CNTN3: variants seen among roughly 807,000 people sequenced by gnomAD.
The protein encoded by CNTN3 is contactin 3, also known as contactin-3.
In CNTN3, 60 loss-of-function variants were observed where a neutral mutation model predicts 119.1. That is an observed-to-expected ratio of 0.50 (90% CI 0.41 to 0.62). CNTN3 has a LOEUF of 0.62. Among genes scored for constraint, CNTN3 ranks in the 20% least tolerant of loss-of-function variants. The probability of loss-of-function intolerance (pLI) is 0.00; values close to 1 mark genes in which losing one functional copy is unlikely to be tolerated. For synonymous variants in CNTN3, 450 were observed against 438.7 expected (o/e 1.03, Z -0.32); for missense variants, 1,101 against 1,242.4 (o/e 0.89, Z 1.71).
At chr3:74,404,052 T>C (rs921375276) in intron 5 of CNTN3, among the ~76,000 whole-genome samples, 3 of 152,092 alleles carry the variant, frequency 2.0e-5, no homozygotes, top group Non-Finnish European at 4.4e-5. Context: ...TAAATCTAGG[T>C]CTAAATCTTT....
intron 1 of CNTN3, among the ~76,000 whole-genome samples, chr3:74,551,754 C>CTTTTTTTTTTTTTTTT (rs776621925): frequency 8.3e-5 from 5 of 60,180 alleles, no homozygotes; most frequent in African/African-American, 2.6e-4. Flanking sequence ...TCTTCTTCTT[C>CTTTTTTTTTTTTTTTT]TTTTTTTTTT....
At chr3:74,293,321 C>G (rs1702273129) in intron 19 of CNTN3, among the ~76,000 whole-genome samples, 1 of 152,094 alleles carries the variant, frequency 6.6e-6, no homozygotes, top group South Asian at 2.1e-4. Flanking sequence ...TAATTCAAGT[C>G]GATGCTTGTT....
At chr3:74,584,696 A>G (rs1476318873) in intron 1 of CNTN3, among the ~76,000 whole-genome samples, 1 of 152,178 alleles carries the variant, frequency 6.6e-6, no homozygotes, top group African/African-American at 2.4e-5. Context: ...CTTGTTTCAC[A>G]TAAGGTCTGC....
chr3:74,340,272 G>A (rs1258660757), intron 11 of CNTN3, among the ~76,000 whole-genome samples: 2 of 152,108 alleles, frequency 1.3e-5, no homozygotes, highest in African/African-American at 2.4e-5. Context: ...TTACATATAT[G>A]TAGCAAAAAG....
intron 3 of CNTN3, among the ~76,000 whole-genome samples, chr3:74,490,711 G>A (rs559859757): frequency 1.3e-4 from 20 of 152,124 alleles, no homozygotes; most frequent in South Asian, 4.1e-4. Flanking sequence ...CCTTTAGTTC[G>A]GTCTTCATCA....
At chr3:74,591,195 A>T (rs1320349173) in intron 1 of CNTN3, among the ~76,000 whole-genome samples, 1 of 151,924 alleles carries the variant, frequency 6.6e-6, no homozygotes, top group Non-Finnish European at 1.5e-5. Flanking sequence ...TTTTGAGGTC[A>T]TGTGAGTAAG....
chr3:74,557,024 T>C (rs1704079590), intron 1 of CNTN3, among the ~76,000 whole-genome samples: 1 of 152,166 alleles, frequency 6.6e-6, no homozygotes, highest in Non-Finnish European at 1.5e-5. Context: ...TTTTTTGTAT[T>C]CTAATATAAG....
At chr3:74,597,406 C>G (rs185295251) in intron 1 of CNTN3, among the ~76,000 whole-genome samples, 7 of 151,884 alleles carry the variant, frequency 4.6e-5, no homozygotes, top group South Asian at 4.2e-4. Context: ...AAAGAGTAAC[C>G]CAGACGTGGT....
At chr3:74,501,030 T>C (rs1703157943) in intron 2 of CNTN3, among the ~76,000 whole-genome samples, 1 of 152,026 alleles carries the variant, frequency 6.6e-6, no homozygotes, top group African/African-American at 2.4e-5. Flanking sequence ...TCACTCTTTA[T>C]GTAAGGAATT....
chr3:74,480,711 A>G (rs908123218), intron 4 of CNTN3, among the ~76,000 whole-genome samples: 4 of 123,230 alleles, frequency 3.2e-5, no homozygotes, highest in African/African-American at 1.1e-4. Context: ...TAAACGAAAC[A>G]TTAGCACTAA....
chr3:74,301,893 C>G, intron 14 of CNTN3, 88 bp from the exon 15 acceptor site: 1 of 1,405,654 alleles, frequency 7.1e-7, no homozygotes, highest in Non-Finnish European at 9.8e-7. Flanking sequence ...CACATGACCA[C>G]TTCAATATCT....
At chr3:74,346,733 A>ACATCCATC (rs61572054) in intron 11 of CNTN3, among the ~76,000 whole-genome samples, 88 of 144,510 alleles carry the variant, frequency 6.1e-4, no homozygotes, top group East Asian at 3.6e-3. Context: ...ATCTCATTTG[A>ACATCCATC]CATCCATCCA....
chr3:74,601,686 C>T (rs1704913044), intron 1 of CNTN3, among the ~76,000 whole-genome samples: 1 of 152,108 alleles, frequency 6.6e-6, no homozygotes, highest in African/African-American at 2.4e-5. Flanking sequence ...GGTCATGTGA[C>T]ACTGCAGTTC....
At chr3:74,308,051 C>G (rs1450603096) in intron 13 of CNTN3, among the ~76,000 whole-genome samples, 1 of 152,116 alleles carries the variant, frequency 6.6e-6, no homozygotes, top group Non-Finnish European at 1.5e-5. Flanking sequence ...TGAAAACAGT[C>G]GAACCTGTAA....
intron 1 of CNTN3, among the ~76,000 whole-genome samples, chr3:74,596,465 C>T (rs112937845): frequency 5.3e-5 from 8 of 152,114 alleles, no homozygotes; most frequent in Admixed American, 3.3e-4. Context: ...ACCAAAACAG[C>T]ATGGTACTGG....
chr3:74,342,637 T>C (rs1703575156), intron 11 of CNTN3, among the ~76,000 whole-genome samples: 3 of 152,134 alleles, frequency 2.0e-5, no homozygotes, highest in African/African-American at 7.2e-5. Context: ...AAGTTAAAAG[T>C]CAACAATAAA....
chr3:74,436,578 G>C (rs986940512), intron 4 of CNTN3, among the ~76,000 whole-genome samples: 7 of 151,938 alleles, frequency 4.6e-5, no homozygotes, highest in African/African-American at 1.7e-4. Context: ...GAAATTATTA[G>C]AAAAATACCA....
At position 74,404,928 on chromosome 3, in the gene CNTN3, C is replaced by T. The variant is rs975370631; in HGVS notation, c.454+19917G>A. ...TAGCTAGAAGGAAAACCACTCTAGTCGAATCCATCACATTTTTCACTTCTT... is the reference window on the plus strand; with the variant it reads ...TAGCTAGAAGGAAAACCACTCTAGTTGAATCCATCACATTTTTCACTTCTT... On this transcript the variant is annotated intron_variant, in intron 5 of 22. Transcript: ENST00000263665. Among the ~76,000 whole-genome samples the T allele has an allele frequency of 9.2e-5, 14 of 151,872 alleles. No individual in the cohort carries two copies. The South Asian group carries it at 1.0e-3, about 11-fold the overall frequency.
intron 4 of CNTN3, among the ~76,000 whole-genome samples, chr3:74,467,055 G>A (rs1179667423): frequency 2.6e-5 from 4 of 151,848 alleles, no homozygotes; most frequent in African/African-American, 9.7e-5. Context: ...TGAAATTAAA[G>A]TTCCGAAGTA....
Sources: gnomAD v4.1 joint callset for allele counts (sites outside exome capture counted in the v4.1 genomes callset) on GRCh38, gnomAD v4.1.1 for gene constraint, MANE v1.5 for transcripts, NCBI Gene and HGNC (gene_info 2026-07-23, HGNC 2026-07-21) for gene names.